The following SH3BP1 variants were observed in gnomAD, a reference collection of about 807,000 sequenced individuals.
SH3BP1 encodes the protein SH3 domain-binding protein 1.
Under a neutral mutation model 69.8 loss-of-function variants are expected in SH3BP1, and 46 were observed. That is an observed-to-expected ratio of 0.66 (90% CI 0.52 to 0.84). The LOEUF is 0.84. SH3BP1 is among the 40% of genes least tolerant of loss of function. SH3BP1 has a pLI of 0.00. For missense variants in SH3BP1, 868 were observed against 930.9 expected, an observed-to-expected ratio of 0.93 and a Z score of 0.88; for synonymous variants, 403 against 378.0, an observed-to-expected ratio of 1.07 and a Z score of -0.77.
intron 17 of SH3BP1, among the ~76,000 whole-genome samples, chr22:37,654,565 C>G (rs1932963389): frequency 1.3e-5 from 2 of 150,200 alleles, no homozygotes; most frequent in Admixed American, 1.3e-4. Flanking sequence ...GAATGAGACT[C>G]TGTCTCAAAA....
At chr22:37,646,795 T>C (rs752926707) in intron 10 of SH3BP1, 23 bp from the exon 11 acceptor site, 2 of 1,461,660 alleles carry the variant, frequency 1.4e-6, no homozygotes, top group Non-Finnish European at 1.8e-6. Context: ...CTGTGACCCT[T>C]GCCTGCCTCC....
intron 3 of SH3BP1, 68 bp downstream of exon 3, chr22:37,641,546 G>A (rs1000829990): frequency 1.6e-5 from 21 of 1,334,220 alleles, no homozygotes; most frequent in South Asian, 1.3e-4. Context: ...AAGCAAGGTC[G>A]GGGCTGGGGT....
In SH3BP1 at chr22:37,655,781, C is replaced by T. The variant is rs1044214040; in HGVS notation, c.*97C>T. ...GCCCCCCACAAAGGGGCATGGGCCT[C>T]CAGCCTTTGCCCACAAGTGCCTCAG... is the stretch of plus-strand genomic sequence containing the variant. On this transcript the variant is annotated 3_prime_UTR_variant, in exon 18 of 18. Coordinates refer to ENST00000649765, the MANE Select transcript of SH3BP1 (RefSeq NM_018957.6). 2.1e-5 allele frequency: 31 copies of T among 1,447,750 alleles called. No homozygotes were observed. Among genetic ancestry groups the T allele is most frequent in the Non-Finnish European group, 2.8e-5 (31 of 1,106,254 alleles). 89.7% of individuals were successfully genotyped at this position (1,447,750 alleles called of 1,614,324 possible).
chr22:37,648,543 G>A (rs1932822855), intron 14 of SH3BP1, 108 bp downstream of exon 14: 2 of 744,908 alleles, frequency 2.7e-6, no homozygotes, highest in African/African-American at 1.7e-5. Flanking sequence ...TTTGGAGTGG[G>A]TTGAGCAGCT....
chr22:37,643,983 G>C (rs1241246038), intron 7 of SH3BP1, among the ~76,000 whole-genome samples, 195 bp downstream of exon 7: 1 of 152,274 alleles, frequency 6.6e-6, no homozygotes, highest in Non-Finnish European at 1.5e-5. Context: ...GGAAGGCAGA[G>C]ACTTGGTCTG....
chr22:37,642,723 G>T (rs1336292755), intron 4 of SH3BP1, 108 bp downstream of exon 4: 2 of 1,606,190 alleles, frequency 1.2e-6, no homozygotes, highest in East Asian at 4.5e-5. Context: ...TGACCAGGCT[G>T]GGGACAGTTC....
intron 9 of SH3BP1, 34 bp from the exon 10 acceptor site, chr22:37,645,331 G>A (rs768925576): frequency 6.3e-7 from 1 of 1,580,252 alleles, no homozygotes; most frequent in African/African-American, 1.3e-5. Flanking sequence ...GGGGTGGGAA[G>A]GCCCTGGGCC....
At chr22:37,641,543 G>T (rs1442465899) in intron 3 of SH3BP1, 65 bp downstream of exon 3, 1 of 1,363,492 alleles carries the variant, frequency 7.3e-7, no homozygotes, top group Non-Finnish European at 1.0e-6. Context: ...GGGAAGCAAG[G>T]TCGGGGCTGG....
intron 14 of SH3BP1, 106 bp downstream of exon 14, chr22:37,648,541 G>A: frequency 1.3e-6 from 1 of 754,298 alleles, no homozygotes; most frequent in Non-Finnish European, 2.3e-6. Context: ...TTTTTGGAGT[G>A]GGTTGAGCAG....
At chr22:37,645,252 C>A in intron 9 of SH3BP1, 113 bp from the exon 10 acceptor site, 1 of 1,318,194 alleles carries the variant, frequency 7.6e-7, no homozygotes, top group South Asian at 1.3e-5. Flanking sequence ...CAGATGTGTG[C>A]CTGGACAGTC....
At chr22:37,647,387 G>A in intron 12 of SH3BP1, 39 bp downstream of exon 12, 2 of 1,612,654 alleles carry the variant, frequency 1.2e-6, no homozygotes, top group Non-Finnish European at 8.5e-7. Context: ...GGGAGGAGGA[G>A]GATGCAAAGG....
chr22:37,643,739 C>T lies in SH3BP1; in HGVS notation c.569C>T (p.Thr190Met), dbSNP rs149928566. The change falls in exon 7 of 18, where the codon ACG (threonine) becomes ATG (methionine). Residue 190 changes from threonine to methionine, a missense_variant. Physicochemically the swap from Thr to Met is moderately conservative, Grantham distance 81 (BLOSUM62 -1). Coordinates refer to ENST00000649765, the MANE Select transcript of SH3BP1 (RefSeq NM_018957.6). ...ACGACCATGGCCAACAAGGTGGAGA[C>T]GCTGAAGGAGGAGGAGGAGGAGCTG... ...SHTTMANKVETLKEEEEELKR... is the reference protein window; with the variant it reads ...SHTTMANKVEMLKEEEEELKR... The T allele has an allele frequency of 5.0e-3, 8,126 of 1,613,874 alleles. 31 individuals are homozygous for T. The highest frequency in any genetic ancestry group is 0.022 in the Middle Eastern group (135 of 6,062).
In SH3BP1 at chr22:37,655,424, GCCCCCACAGTGCCACCCCCGTTAC is replaced by G; in HGVS notation, c.1855_1878del (p.Val619_Thr626del). On this transcript the variant is annotated inframe_deletion, in exon 18 of 18. Coordinates refer to ENST00000649765, the MANE Select transcript of SH3BP1 (RefSeq NM_018957.6). Reference sequence around the variant, plus strand: ...ACGTCTGGTTGGCAGCAGCCTCCGAGCCCCCACAGTGCCACCCCCGTTACCCCCCACACCCCCTCAGCCTGCCCG... The same window carrying G: ...ACGTCTGGTTGGCAGCAGCCTCCGAGCCCCCACACCCCCTCAGCCTGCCCG... 3 of 1,406,122 alleles carry G rather than the reference GCCCCCACAGTGCCACCCCCGTTAC, an allele frequency of 2.1e-6. No individual in the cohort carries two copies. The highest frequency in any genetic ancestry group is 2.8e-6 in the Non-Finnish European group (3 of 1,056,808). 87.1% of individuals were successfully genotyped at this position (1,406,122 alleles called of 1,614,324 possible). A position where few individuals can be genotyped will look rare whatever the true frequency, so the allele number is the denominator to read the frequency against.
rs1932672010 is a variant in SH3BP1, at chr22:37,643,179, G to A, written c.473+5G>A. On this transcript the variant is annotated splice_donor_5th_base_variant and intron_variant, in intron 6 of 17. Transcript: ENST00000649765. ...CTGGAACACACTCAAGAGCAGGTGG[G>A]AGCCCCAGCCGCTCAGGGGGCTCAT... The A allele has an allele frequency of 1.9e-6, 3 of 1,591,950 alleles. No homozygotes were observed. The highest frequency in any genetic ancestry group is 2.6e-6 in the Non-Finnish European group (3 of 1,170,614).
chr22:37,645,226 A>C (rs1932762440), intron 9 of SH3BP1, 139 bp from the exon 10 acceptor site: 2 of 1,179,316 alleles, frequency 1.7e-6, no homozygotes, highest in African/African-American at 3.1e-5. Context: ...GATTCGAGAG[A>C]TGTGACGGAT....
intron 16 of SH3BP1, among the ~76,000 whole-genome samples, chr22:37,652,435 TG>T (rs1932899602): frequency 6.6e-6 from 1 of 151,772 alleles, no homozygotes; most frequent in Non-Finnish European, 1.5e-5. Flanking sequence ...CAGAAGGCTG[TG>T]GTGGGAGGAT....
In SH3BP1 at chr22:37,647,436, C is replaced by G. The variant is rs200168052; in HGVS notation, c.1119-5C>G. 3.3e-3 allele frequency: 5,309 copies of G among 1,612,596 alleles called. 26 individuals carry two copies. The highest frequency in any genetic ancestry group is 3.2e-3 in the Non-Finnish European group (3,769 of 1,179,314). ...TGGCTGACAGGTCTCTCCACTCCCC[C>G]CCAGCCTGAAGGAGCCAGGGGCCCG... is the stretch of plus-strand genomic sequence containing the variant. On this transcript the variant is annotated splice_polypyrimidine_tract_variant and splice_region_variant and intron_variant, in intron 12 of 17. Transcript: ENST00000649765.
At chr22:37,647,715 G>A (rs1245126321) in intron 13 of SH3BP1, among the ~76,000 whole-genome samples, 194 bp downstream of exon 13, 2 of 150,630 alleles carry the variant, frequency 1.3e-5, no homozygotes, top group African/African-American at 2.5e-5. Flanking sequence ...TCACTCTGTC[G>A]CCCAAGCTGG....
chr22:37,654,493 C>A (rs1932961005), intron 17 of SH3BP1, among the ~76,000 whole-genome samples: 1 of 151,984 alleles, frequency 6.6e-6, no homozygotes, highest in South Asian at 2.1e-4. Context: ...ATCACTTGAA[C>A]CCGGGAGGCA....
Sources: gnomAD v4.1 joint callset for allele counts (sites outside exome capture counted in the v4.1 genomes callset) on GRCh38, gnomAD v4.1.1 for gene constraint, MANE v1.5 for transcripts, NCBI Gene and HGNC (gene_info 2026-07-23, HGNC 2026-07-21) for gene names.